MYO1E: variants seen among roughly 807,000 people sequenced by gnomAD.
MYO1E encodes myosin IE.
MYO1E carries 68 observed loss-of-function variants against 151.1 expected under a neutral mutation model. The ratio of observed to expected loss-of-function variants is 0.45; its 90% CI spans 0.37 to 0.55. The LOEUF is 0.55. MYO1E is among the 20% of genes least tolerant of loss of function. The pLI is 0.00. For missense variants in MYO1E, 1,363 were observed against 1,389.3 expected, an observed-to-expected ratio of 0.98 and a Z score of 0.30; for synonymous variants, 601 against 501.7, an observed-to-expected ratio of 1.20 and a Z score of -2.64.
intron 1 of MYO1E, among the ~76,000 whole-genome samples, chr15:59,319,102 G>A (rs1313851489): frequency 2.0e-5 from 3 of 152,142 alleles, no homozygotes; most frequent in Non-Finnish European, 4.4e-5. Context: ...CTTGAGGTCA[G>A]GAGTTTGAAA....
chr15:59,298,615 T>C (rs2080465048), intron 1 of MYO1E, among the ~76,000 whole-genome samples: 2 of 152,210 alleles, frequency 1.3e-5, no homozygotes, highest in South Asian at 4.1e-4. Context: ...CCTGCTCCAA[T>C]CCTGTTCCCC....
chr15:59,361,447 T>G (rs2080884895), intron 1 of MYO1E, among the ~76,000 whole-genome samples: 1 of 152,186 alleles, frequency 6.6e-6, no homozygotes, highest in Admixed American at 6.5e-5. Context: ...TGCGACTGTA[T>G]GTCAACTGTC....
At chr15:59,138,465 G>T in intron 26 of MYO1E, 98 bp from the exon 27 acceptor site, 1 of 1,326,224 alleles carries the variant, frequency 7.5e-7, no homozygotes, top group Non-Finnish European at 1.1e-6. Flanking sequence ...GCCTGTTCAA[G>T]TTCAAATCCA....
chr15:59,247,271 G>A (rs1451598615), intron 4 of MYO1E, among the ~76,000 whole-genome samples: 2 of 152,286 alleles, frequency 1.3e-5, no homozygotes, highest in East Asian at 3.9e-4. Flanking sequence ...TCAAGTCCAG[G>A]GGTAACTAAC....
intron 1 of MYO1E, among the ~76,000 whole-genome samples, chr15:59,300,595 C>T (rs2080476177): frequency 6.6e-6 from 1 of 152,108 alleles, no homozygotes; most frequent in Non-Finnish European, 1.5e-5. Flanking sequence ...GGAAGTGGGC[C>T]ACATGTTGTA....
chr15:59,297,164 A>G (rs1209848997), intron 1 of MYO1E, among the ~76,000 whole-genome samples: 6 of 151,638 alleles, frequency 4.0e-5, no homozygotes, highest in Admixed American at 3.9e-4. Flanking sequence ...GAAATTTAAC[A>G]TCGATAGAAT....
intron 26 of MYO1E, among the ~76,000 whole-genome samples, chr15:59,141,250 T>C (rs1227965860): frequency 1.3e-5 from 2 of 152,098 alleles, no homozygotes; most frequent in African/African-American, 4.8e-5. Context: ...GATGCACACA[T>C]GTGCACGCAC....
chr15:59,209,492 A>G (rs901185021), intron 13 of MYO1E, among the ~76,000 whole-genome samples: 20 of 151,980 alleles, frequency 1.3e-4, no homozygotes, highest in Non-Finnish European at 2.9e-4. Context: ...CCTGGCCAAC[A>G]TGGTGAAACC....
chr15:59,153,819 A>C lies in MYO1E; in HGVS notation c.2879-28T>G. 3 of 1,599,376 alleles carry C rather than the reference A, an allele frequency of 1.9e-6. No homozygotes were observed. In the African/African-American group the frequency reaches 4.0e-5, roughly 21 times the overall value. On this transcript the variant is annotated intron_variant, in intron 25 of 27. Coordinates refer to ENST00000288235, the MANE Select transcript of MYO1E (RefSeq NM_004998.4). ...AGAGAGAGGAACAGAGAAGGAAATA[A>C]GGCTCAGATTTTTGGATCCTTTGCC...
intron 1 of MYO1E, among the ~76,000 whole-genome samples, chr15:59,356,366 G>A (rs1158452172): frequency 6.6e-6 from 1 of 152,116 alleles, no homozygotes; most frequent in East Asian, 1.9e-4. Context: ...AAAGGCTTGC[G>A]ACATTCAAAT....
chr15:59,307,980 GC>G (rs2080525041), intron 1 of MYO1E, among the ~76,000 whole-genome samples: 1 of 150,412 alleles, frequency 6.6e-6, no homozygotes, highest in African/African-American at 2.4e-5. Flanking sequence ...ACTTGGGGAG[GC>G]CAAGGTGAGC....
At chr15:59,152,099 C>T (rs1468274803) in intron 26 of MYO1E, among the ~76,000 whole-genome samples, 1 of 151,342 alleles carries the variant, frequency 6.6e-6, no homozygotes, top group Non-Finnish European at 1.5e-5. Context: ...TGTGGTGGTG[C>T]GTGCCTGTAA....
Position 59,134,296 on chromosome 15 carries a change from G to T in MYO1E, c.*3084C>A, listed in dbSNP as rs957252651. On this transcript the variant is annotated 3_prime_UTR_variant, in exon 28 of 28. Transcript: ENST00000288235. Reference sequence around the variant, plus strand: ...AGTGGGTTGGCATCCTTCATGGTTGGGGAGCAAGCTTATTCAAGAAGGCTT... The same window carrying T: ...AGTGGGTTGGCATCCTTCATGGTTGTGGAGCAAGCTTATTCAAGAAGGCTT... 4 of 152,296 alleles carry T rather than the reference G, an allele frequency of 2.6e-5. No individual in the cohort carries two copies. The highest frequency in any genetic ancestry group is 9.7e-5 in the African/African-American group (4 of 41,440). The allele number at this position is 152,296 out of a possible 1,614,324, so 9.4% of individuals were successfully genotyped here.
chr15:59,167,833 T>G (rs537739567), intron 22 of MYO1E, among the ~76,000 whole-genome samples: 2 of 152,062 alleles, frequency 1.3e-5, no homozygotes, highest in Non-Finnish European at 2.9e-5. Flanking sequence ...CACACCACCA[T>G]GCTCAACTAA....
chr15:59,228,141 G>A (rs1478544304), intron 6 of MYO1E, among the ~76,000 whole-genome samples: 2 of 152,134 alleles, frequency 1.3e-5, no homozygotes, highest in Non-Finnish European at 2.9e-5. Flanking sequence ...GGGAACAAAG[G>A]AGAATAAAAA....
At chr15:59,277,672 A>G (rs1297783633) in intron 1 of MYO1E, among the ~76,000 whole-genome samples, 2 of 152,160 alleles carry the variant, frequency 1.3e-5, no homozygotes, top group Non-Finnish European at 2.9e-5. Flanking sequence ...TGTTCACTGT[A>G]GCAAAGTTTG....
intron 4 of MYO1E, among the ~76,000 whole-genome samples, chr15:59,242,370 C>G (rs1033553058): frequency 6.6e-6 from 1 of 152,000 alleles, no homozygotes; most frequent in African/African-American, 2.4e-5. Context: ...CTGGTGTGGA[C>G]GTGTCAAGCA....
intron 1 of MYO1E, among the ~76,000 whole-genome samples, chr15:59,304,764 G>GT: frequency 6.6e-6 from 1 of 152,262 alleles, no homozygotes; most frequent in Admixed American, 6.5e-5. Flanking sequence ...GACTGCAAAA[G>GT]TATTTACTGT....
At position 59,206,034 on chromosome 15, in the gene MYO1E, C is replaced by T. The variant is rs574356313; in HGVS notation, c.1531-549G>A. The stretch of plus-strand genomic sequence containing the variant: ...GATCAGCTGGGATGATGGATGAGAC[C>T]AGGGGATTTCCATAGCACTAGGAAG... On this transcript the variant is annotated intron_variant, in intron 14 of 27. Coordinates refer to ENST00000288235, the MANE Select transcript of MYO1E (RefSeq NM_004998.4). Among the ~76,000 whole-genome samples the T allele has an allele frequency of 4.6e-5, 7 of 152,178 alleles. No homozygotes were observed. In the South Asian group the frequency reaches 1.5e-3, roughly 32 times the overall value.
Sources: gnomAD v4.1 joint callset for allele counts (sites outside exome capture counted in the v4.1 genomes callset) on GRCh38, gnomAD v4.1.1 for gene constraint, MANE v1.5 for transcripts, NCBI Gene and HGNC (gene_info 2026-07-23, HGNC 2026-07-21) for gene names.